PID1: variants seen among roughly 807,000 people sequenced by gnomAD.
The protein encoded by PID1 is PTB-containing, cubilin and LRP1-interacting protein.
Under a neutral mutation model 19.1 loss-of-function variants are expected in PID1, and 10 were observed. That is an observed-to-expected ratio of 0.52 (90% CI 0.32 to 0.89). The LOEUF is 0.89. PID1 is among the 40% of genes least tolerant of loss of function. The pLI, the probability that PID1 is intolerant of heterozygous loss-of-function variation, is 0.03. For synonymous variants in PID1, 130 were observed against 116.0 expected, an observed-to-expected ratio of 1.12 and a Z score of -0.78; for missense variants, 248 against 285.3, an observed-to-expected ratio of 0.87 and a Z score of 0.94.
chr2:229,271,020 G>C lies in PID1; in HGVS notation c.24C>G (p.Arg8=). 2 of 1,543,078 alleles carry C rather than the reference G, an allele frequency of 1.3e-6. No homozygotes were observed. Among genetic ancestry groups the C allele is most frequent in the Non-Finnish European group, 1.7e-6 (2 of 1,143,994 alleles). The change falls in exon 1 of 3, where the codon CGC becomes CGG. Residue 8 remains arginine (R), a synonymous_variant. Coordinates refer to ENST00000392055, the MANE Select transcript of PID1 (RefSeq NM_001100818.2). The part of the protein sequence containing the change: MWQPATE[R]LQHFQTMLKS... ...GCTCCCGGGTGCCCCTTACCTGCAG[G>C]CGCTCCGTGGCCGGCTGCCACATCT...
At chr2:229,047,577 G>C (rs1411573095) in intron 2 of PID1, among the ~76,000 whole-genome samples, 1 of 152,108 alleles carries the variant, frequency 6.6e-6, no homozygotes, top group East Asian at 1.9e-4. Flanking sequence ...AAAATATAAA[G>C]ATAATAATAA....
At chr2:229,161,949 G>A (rs1690500513) in intron 1 of PID1, among the ~76,000 whole-genome samples, 2 of 152,308 alleles carry the variant, frequency 1.3e-5, no homozygotes, top group Admixed American at 6.5e-5. Context: ...GTGCAACACA[G>A]ACAATGCACC....
chr2:229,222,338 G>A (rs555567656), intron 1 of PID1, among the ~76,000 whole-genome samples: 79 of 152,116 alleles, frequency 5.2e-4, no homozygotes, highest in South Asian at 8.3e-4. Context: ...TTATTTTTCC[G>A]TACTTACTCT....
chr2:229,253,726 A>G (rs929635988), intron 1 of PID1, among the ~76,000 whole-genome samples: 1 of 152,186 alleles, frequency 6.6e-6, no homozygotes, highest in Non-Finnish European at 1.5e-5. Context: ...GCTTTCAAGC[A>G]TGGCTCCTTC....
intron 2 of PID1, among the ~76,000 whole-genome samples, chr2:229,049,518 A>G (rs1287140522): frequency 6.6e-6 from 1 of 152,220 alleles, no homozygotes; most frequent in Admixed American, 6.5e-5. Flanking sequence ...CTAGAACATT[A>G]GAAACATACC....
chr2:229,036,467 T>TA (rs1438349277), intron 2 of PID1, among the ~76,000 whole-genome samples: 1 of 152,206 alleles, frequency 6.6e-6, no homozygotes, highest in East Asian at 1.9e-4. Flanking sequence ...AAAGTAGATC[T>TA]AGGCCAGGTG....
chr2:229,194,684 T>C (rs1034306014), intron 1 of PID1, among the ~76,000 whole-genome samples: 2 of 152,024 alleles, frequency 1.3e-5, no homozygotes, highest in African/African-American at 2.4e-5. Flanking sequence ...GTATATGAAA[T>C]ACATATAACA....
At chr2:229,151,612 C>G (rs1479844645) in intron 2 of PID1, among the ~76,000 whole-genome samples, 2 of 151,386 alleles carry the variant, frequency 1.3e-5, no homozygotes, top group African/African-American at 4.9e-5. Context: ...GCTCTGTCAC[C>G]CAGGCTGGAG....
rs556177463 is a variant in PID1, at chr2:229,106,920, G to C, written c.177+48898C>G. Among the ~76,000 whole-genome samples, 182 of 152,232 alleles carry C rather than the reference G, an allele frequency of 1.2e-3. 2 individuals are homozygous for C. The highest frequency in any genetic ancestry group is 4.2e-3 in the African/African-American group (174 of 41,540). ...GTACCTGCAAACATGATTTTATTTGGAAACAGGGTCTTTGCAGATGTAACT... is the reference window on the plus strand; with the variant it reads ...GTACCTGCAAACATGATTTTATTTGCAAACAGGGTCTTTGCAGATGTAACT... On this transcript the variant is annotated intron_variant, in intron 2 of 2. Transcript: ENST00000392055.
At chr2:229,035,455 C>G (rs553276774) in intron 2 of PID1, among the ~76,000 whole-genome samples, 2 of 151,942 alleles carry the variant, frequency 1.3e-5, no homozygotes, top group South Asian at 2.1e-4. Flanking sequence ...TCTCCACCCC[C>G]CTCCTTCCCT....
At chr2:229,035,726 T>C (rs796894747) in intron 2 of PID1, among the ~76,000 whole-genome samples, 2 of 152,288 alleles carry the variant, frequency 1.3e-5, no homozygotes, top group African/African-American at 4.8e-5. Context: ...TTCAGACACC[T>C]TAGTTTCCAT....
intron 1 of PID1, among the ~76,000 whole-genome samples, chr2:229,187,989 A>C (rs958663775): frequency 3.0e-4 from 45 of 152,190 alleles, no homozygotes; most frequent in African/African-American, 9.2e-4. Context: ...GTCACTGAGA[A>C]TATGTTTACC....
intron 2 of PID1, among the ~76,000 whole-genome samples, chr2:229,072,777 T>A (rs1301642791): frequency 6.6e-6 from 1 of 152,220 alleles, no homozygotes; most frequent in Non-Finnish European, 1.5e-5. Context: ...GTAGGCTTTA[T>A]GTGCCCCCAT....
intron 1 of PID1, among the ~76,000 whole-genome samples, chr2:229,176,635 C>T (rs1464307177): frequency 1.3e-5 from 2 of 152,144 alleles, no homozygotes; most frequent in Non-Finnish European, 2.9e-5. Flanking sequence ...TATTGTTTTT[C>T]AACCTTATCA....
intron 1 of PID1, among the ~76,000 whole-genome samples, chr2:229,159,581 C>T (rs886556405): frequency 6.6e-6 from 1 of 152,098 alleles, no homozygotes; most frequent in Non-Finnish European, 1.5e-5. Context: ...ACTTTTCTTG[C>T]CAACCCCCAC....
At chr2:229,257,719 G>A (rs1029973076) in intron 1 of PID1, among the ~76,000 whole-genome samples, 1 of 152,170 alleles carries the variant, frequency 6.6e-6, no homozygotes, top group Non-Finnish European at 1.5e-5. Flanking sequence ...TTTCCTCCTT[G>A]AGGGGCAAAA....
At chr2:229,131,584 T>C (rs1345279) in intron 2 of PID1, among the ~76,000 whole-genome samples, 120,789 of 152,136 alleles carry the variant, frequency 0.79, 48,100 homozygotes, top group East Asian at 1. Context: ...TCTCCACATG[T>C]GAAAATCACC....
intron 2 of PID1, among the ~76,000 whole-genome samples, chr2:229,069,388 T>C (rs1467809124): frequency 6.6e-6 from 1 of 151,898 alleles, no homozygotes; most frequent in Non-Finnish European, 1.5e-5. Flanking sequence ...GCCTGTTCTG[T>C]TGGTGTGAGG....
chr2:229,085,993 T>C (rs1306890144), intron 2 of PID1, among the ~76,000 whole-genome samples: 1 of 152,136 alleles, frequency 6.6e-6, no homozygotes. Context: ...TCCTTAAAAG[T>C]CAATATTTTA....
Sources: gnomAD v4.1 joint callset for allele counts (sites outside exome capture counted in the v4.1 genomes callset) on GRCh38, gnomAD v4.1.1 for gene constraint, MANE v1.5 for transcripts, NCBI Gene and HGNC (gene_info 2026-07-23, HGNC 2026-07-21) for gene names.